The following ADCY9 variants were observed in gnomAD, a reference collection of about 807,000 sequenced individuals.
The protein encoded by ADCY9 is adenylate cyclase 9.
ADCY9 carries 50 observed loss-of-function variants against 101.5 expected under a neutral mutation model. The observed-to-expected ratio is 0.49, with a 90% confidence interval of 0.39 to 0.62. ADCY9 has a LOEUF of 0.62. Among genes scored for constraint, ADCY9 ranks in the 20% least tolerant of loss-of-function variants. The pLI is 0.00. For missense variants in ADCY9, 1,662 were observed against 1,800.4 expected (o/e 0.92, Z 1.39); for synonymous variants, 905 against 769.3 (o/e 1.18, Z -2.92).
chr16:3,970,727 T>G (rs904018959), intron 10 of ADCY9, among the ~76,000 whole-genome samples: 24 of 152,342 alleles, frequency 1.6e-4, no homozygotes, highest in African/African-American at 4.8e-4. Flanking sequence ...ATCACGGCCC[T>G]CTGCGAAGCA....
At chr16:4,027,749 T>C (rs768408373) in intron 2 of ADCY9, among the ~76,000 whole-genome samples, 1 of 152,000 alleles carries the variant, frequency 6.6e-6, no homozygotes, top group East Asian at 1.9e-4. Flanking sequence ...TGGTGGTCCA[T>C]GCCTGTAATC....
chr16:4,078,930 T>A (rs1429686527), intron 2 of ADCY9, among the ~76,000 whole-genome samples: 3 of 152,198 alleles, frequency 2.0e-5, no homozygotes, highest in Non-Finnish European at 4.4e-5. Context: ...GCCCCACTAC[T>A]AATTATCGTG....
At chr16:4,057,956 C>T (rs569931694) in intron 2 of ADCY9, among the ~76,000 whole-genome samples, 2 of 152,042 alleles carry the variant, frequency 1.3e-5, no homozygotes, top group South Asian at 2.1e-4. Context: ...GTCAAGAGTT[C>T]GAGACCAGCC....
At chr16:4,080,309 T>C (rs2056893584) in intron 2 of ADCY9, among the ~76,000 whole-genome samples, 3 of 152,190 alleles carry the variant, frequency 2.0e-5, no homozygotes. Flanking sequence ...AGTGGCATGC[T>C]CTTGGTTCAC....
intron 5 of ADCY9, among the ~76,000 whole-genome samples, chr16:3,991,726 A>C (rs915006807): frequency 2.2e-5 from 3 of 138,046 alleles, no homozygotes; most frequent in African/African-American, 8.2e-5. Context: ...GAGCCACTGC[A>C]CTCCAGCCTG....
At chr16:4,030,239 CA>C (rs1394308129) in intron 2 of ADCY9, among the ~76,000 whole-genome samples, 1 of 152,086 alleles carries the variant, frequency 6.6e-6, no homozygotes, top group Non-Finnish European at 1.5e-5. Flanking sequence ...TTGTAAAAGT[CA>C]AAGCCCAGAA....
chr16:4,068,389 C>T lies in ADCY9; in HGVS notation c.1693+45361G>A, dbSNP rs138639405. Among the ~76,000 whole-genome samples, 54 of 151,916 alleles carry T rather than the reference C, an allele frequency of 3.6e-4. 1 individual carries two copies. Among genetic ancestry groups the T allele is most frequent in the East Asian group, 3.5e-3 (18 of 5,174 alleles). ...CTCTAATCCCACTGTAAAGAACACG[C>T]GCTATATATAAATTTGTATATATCC... is the stretch of plus-strand genomic sequence containing the variant. On this transcript the variant is annotated intron_variant, in intron 2 of 10. Transcript: ENST00000294016.
At chr16:3,975,083 G>A (rs2056083032) in intron 9 of ADCY9, among the ~76,000 whole-genome samples, 1 of 152,128 alleles carries the variant, frequency 6.6e-6, no homozygotes, top group Non-Finnish European at 1.5e-5. Flanking sequence ...GGCGGCAGAG[G>A]GGTCCCCCAT....
rs1395509510 is a variant in ADCY9, at chr16:3,965,578, G to A, written c.*197C>T. On this transcript the variant is annotated 3_prime_UTR_variant, in exon 11 of 11. Coordinates refer to ENST00000294016, the MANE Select transcript of ADCY9 (RefSeq NM_001116.4). ...TGACCCAGAGGCAGCGGGGTTTCCAGGGAAGGGAGCGAAAGGGAAGAATGG... is the reference window on the plus strand; with the variant it reads ...TGACCCAGAGGCAGCGGGGTTTCCAAGGAAGGGAGCGAAAGGGAAGAATGG... 1 of 617,628 alleles carries A rather than the reference G, an allele frequency of 1.6e-6. No homozygotes were observed. Among genetic ancestry groups the A allele is most frequent in the Admixed American group, 3.0e-5 (1 of 33,540 alleles). 38.3% of individuals were successfully genotyped at this position (617,628 alleles called of 1,614,324 possible).
At chr16:3,961,461 AC>A (rs1437009823), downstream of ADCY9, among the ~76,000 whole-genome samples, 4 of 151,118 alleles carry the variant, frequency 2.6e-5, no homozygotes, top group African/African-American at 9.7e-5. Flanking sequence ...AAAAAAAAAA[AC>A]CGAACAAAAC....
chr16:4,024,712 A>C (rs2056502414), intron 2 of ADCY9, among the ~76,000 whole-genome samples: 1 of 152,128 alleles, frequency 6.6e-6, no homozygotes, highest in Admixed American at 6.6e-5. Flanking sequence ...TTTAAGGTCT[A>C]GGCAGAACCG....
At chr16:3,967,093 C>G in intron 10 of ADCY9, 127 bp from the exon 11 acceptor site, 1 of 742,836 alleles carries the variant, frequency 1.3e-6, no homozygotes, top group Non-Finnish European at 2.2e-6. Context: ...GTCAAGCTGC[C>G]CATTCCTGGT....
intron 2 of ADCY9, among the ~76,000 whole-genome samples, chr16:4,044,019 C>T (rs1489306612): frequency 6.6e-6 from 1 of 151,994 alleles, no homozygotes; most frequent in East Asian, 1.9e-4. Flanking sequence ...AATGAAATAG[C>T]TTAACTAGAA....
At chr16:4,037,244 G>A (rs988854044) in intron 2 of ADCY9, among the ~76,000 whole-genome samples, 1 of 152,132 alleles carries the variant, frequency 6.6e-6, no homozygotes, top group Non-Finnish European at 1.5e-5. Context: ...TTTGAGCCCA[G>A]GAGGTCAAGG....
At chr16:4,047,760 C>T (rs1488416502) in intron 2 of ADCY9, among the ~76,000 whole-genome samples, 2 of 152,090 alleles carry the variant, frequency 1.3e-5, no homozygotes, top group East Asian at 1.9e-4. Flanking sequence ...TTGAAATCCA[C>T]GTTGGCCAGG....
chr16:4,019,199 C>A (rs1191975210), intron 2 of ADCY9, among the ~76,000 whole-genome samples: 1 of 152,104 alleles, frequency 6.6e-6, no homozygotes, highest in African/African-American at 2.4e-5. Flanking sequence ...CCAGGCTGGG[C>A]TTGAACTCCT....
Position 4,115,538 on chromosome 16 carries a change from T to C in ADCY9, c.-43-53A>G. 1 of 1,406,208 alleles carries C rather than the reference T, an allele frequency of 7.1e-7. No homozygotes were observed. The highest frequency in any genetic ancestry group is 9.4e-7 in the Non-Finnish European group (1 of 1,067,852). 87.1% of individuals were successfully genotyped at this position (1,406,208 alleles called of 1,614,324 possible). On this transcript the variant is annotated intron_variant, in intron 1 of 10. Transcript: ENST00000294016. This position sits in a 1 kb window ranked among gnomAD's most constrained non-coding sequence, Gnocchi z 6.2. ...GCGCTCCCACCTAGGCATGCACGCC[T>C]AGAGGCCCGGGACCTGCTCCTGTCC...
rs1416852121 is a variant in ADCY9, at chr16:4,116,232, G to A, written c.-586C>T. 6.9e-6 allele frequency: 1 copy of A among 145,632 alleles called. No individual in the cohort carries two copies. Among genetic ancestry groups the A allele is most frequent in the Non-Finnish European group, 1.5e-5 (1 of 65,612 alleles). The allele number at this position is 145,632 out of a possible 1,614,324, so 9.0% of individuals were successfully genotyped here. The stretch of plus-strand genomic sequence containing the variant: ...GTGGAACCACGGACGCGGGCCCCTC[G>A]CCGGGCGGCGGTGCAGACGCTGCCG... On this transcript the variant is annotated 5_prime_UTR_variant, in exon 1 of 11. Coordinates refer to ENST00000294016, the MANE Select transcript of ADCY9 (RefSeq NM_001116.4).
intron 3 of ADCY9, among the ~76,000 whole-genome samples, chr16:4,004,522 T>G (rs2056354069): frequency 1.3e-5 from 2 of 152,262 alleles, no homozygotes; most frequent in South Asian, 4.1e-4. Context: ...CTCGGGCTTC[T>G]GACTTCAGTC....
Sources: gnomAD v4.1 joint callset for allele counts (sites outside exome capture counted in the v4.1 genomes callset) on GRCh38, gnomAD v4.1.1 for gene constraint, Gnocchi (gnomAD v3.1) non-coding constraint, MANE v1.5 for transcripts, NCBI Gene and HGNC (gene_info 2026-07-23, HGNC 2026-07-21) for gene names.